Variants in GPR35 observed in about 807,000 individuals in gnomAD.
The protein encoded by GPR35 is G protein-coupled receptor 35.
For synonymous variants in GPR35, 207 were observed against 198.4 expected, an observed-to-expected ratio of 1.04 and a Z score of -0.36; for missense variants, 372 against 422.5, an observed-to-expected ratio of 0.88 and a Z score of 1.05.
intron 1 of GPR35, chr2:240,628,800 C>T (rs2043406071): frequency 6.6e-6 from 1 of 152,268 alleles, no homozygotes; most frequent in South Asian, 2.1e-4. Flanking sequence ...AGAGGACAGC[C>T]TGATGGTTGG....
exon 5 of GPR35, chr2:240,618,911 C>A: frequency 1.4e-6 from 1 of 699,760 alleles, no homozygotes; most frequent in Non-Finnish European, 2.6e-6. Flanking sequence ...GTGGTGTGAA[C>A]ACGCTTCATT....
At position 240,620,092 on chromosome 2, in the gene GPR35, C is replaced by T. The variant is rs560414972; in HGVS notation, c.-5+1061C>T. 8.5e-5 allele frequency among the ~76,000 whole-genome samples: 13 copies of T among 152,288 alleles called. No individual in the cohort carries two copies. The East Asian group carries it at 1.2e-3, about 14-fold the overall frequency. Reference sequence around the variant, plus strand: ...GTCCAGGGCCAAGAAAAGGGAAAGCCGCTGGAAATAGCAGAAACCTGGCTG... The same window carrying T: ...GTCCAGGGCCAAGAAAAGGGAAAGCTGCTGGAAATAGCAGAAACCTGGCTG... On this transcript the variant is annotated intron_variant, in intron 5 of 5. Coordinates refer to the GPR35 transcript ENST00000319838.
upstream of GPR35, among the ~76,000 whole-genome samples, chr2:240,624,987 T>C (rs1471139779): frequency 3.9e-5 from 6 of 152,146 alleles, no homozygotes; most frequent in Admixed American, 2.0e-4. Flanking sequence ...TGTGTGCATG[T>C]GTGCCAGCGT....
intron 1 of GPR35, among the ~76,000 whole-genome samples, chr2:240,626,862 A>T (rs574343282): frequency 1.3e-4 from 20 of 152,246 alleles, no homozygotes; most frequent in African/African-American, 4.8e-4. Context: ...GGGTCCAGAC[A>T]GGGGGAAGGG....
At chr2:240,624,656 C>A (rs1160521702), upstream of GPR35, among the ~76,000 whole-genome samples, 1 of 152,164 alleles carries the variant, frequency 6.6e-6, no homozygotes, top group Non-Finnish European at 1.5e-5. Context: ...GAGGGAGAGG[C>A]TGTGGTCAGG....
upstream of GPR35, among the ~76,000 whole-genome samples, chr2:240,623,148 C>T (rs539556175): frequency 9.2e-4 from 140 of 152,284 alleles, 1 homozygote; most frequent in East Asian, 6.8e-3. Flanking sequence ...GGTGAGCGGT[C>T]GTCGAGCTTC....
At chr2:240,615,771 A>G (rs2043231153) in intron 2 of GPR35, among the ~76,000 whole-genome samples, 1 of 152,262 alleles carries the variant, frequency 6.6e-6, no homozygotes, top group African/African-American at 2.4e-5. Flanking sequence ...AACAGGAGTT[A>G]ACTTTTACAT....
chr2:240,614,932 G>A (rs976111652), intron 2 of GPR35, among the ~76,000 whole-genome samples: 1 of 152,024 alleles, frequency 6.6e-6, no homozygotes, highest in Non-Finnish European at 1.5e-5. Context: ...GCATTTGTGT[G>A]TGCTTGTGTG....
At chr2:240,624,014 G>GT (rs1246432799), upstream of GPR35, among the ~76,000 whole-genome samples, 3 of 151,962 alleles carry the variant, frequency 2.0e-5, no homozygotes, top group Non-Finnish European at 2.9e-5. Context: ...GGTGGTGGGG[G>GT]GGGTGGGGGA....
rs2043358629 is a variant in GPR35 at position 240,625,558 on chromosome 2, G to T, written c.-15G>T. On this transcript the variant is annotated 5_prime_UTR_variant, in exon 1 of 2. Transcript: ENST00000407714. ...CACACACTCCACCCGGGAGGCCAAA[G>T]CTGCCTGCAGGTCAGTGCCGCCCAC... The T allele has an allele frequency of 1.0e-6, 1 of 986,004 alleles. No homozygotes were observed. Among genetic ancestry groups the T allele is most frequent in the African/African-American group, 1.7e-5 (1 of 57,250 alleles). The allele number at this position is 986,004 out of a possible 1,614,324, so 61.1% of individuals were successfully genotyped here.
At position 240,631,938 on chromosome 2, in the gene GPR35, C is replaced by T. The variant is rs1352221392; in HGVS notation, c.*1056C>T. Among the ~76,000 whole-genome samples the T allele has an allele frequency of 6.6e-6, 1 of 151,972 alleles. No individual in the cohort carries two copies. Among genetic ancestry groups the T allele is most frequent in the Non-Finnish European group, 1.5e-5 (1 of 67,978 alleles). ...CAGTCATGTTCTGGCAGGGACATGG[C>T]ACAAGCATGCGGCTGATGGCATCTC... On this transcript the variant is annotated 3_prime_UTR_variant, in exon 2 of 2. Coordinates refer to ENST00000407714, the MANE Select transcript of GPR35 (RefSeq NM_005301.5).
At chr2:240,614,237 C>T (rs895972853) in intron 2 of GPR35, among the ~76,000 whole-genome samples, 2 of 152,142 alleles carry the variant, frequency 1.3e-5, no homozygotes, top group Non-Finnish European at 2.9e-5. Context: ...GAACCCTAAC[C>T]CTAAGCCTTG....
chr2:240,628,687 GGGCAGAGGGAGGA>G lies in GPR35; in HGVS notation c.-4-1246_-4-1234del, dbSNP rs1161132331. On this transcript the variant is annotated intron_variant, in intron 1 of 1. Transcript: ENST00000407714. Reference sequence around the variant, plus strand: ...TTTGGGGGACCTTTTGTGCTCCTCTGGGCAGAGGGAGGAGGCAGAGGGAGGAGGAAGGCCCTTC... The same window carrying G: ...TTTGGGGGACCTTTTGTGCTCCTCTGGGCAGAGGGAGGAGGAAGGCCCTTC... The G allele has an allele frequency of 3.9e-5, 6 of 152,368 alleles. No individual in the cohort carries two copies. In the East Asian group the frequency reaches 9.7e-4, roughly 25 times the overall value. The allele number at this position is 152,368 out of a possible 1,614,324, so 9.4% of individuals were successfully genotyped here.
upstream of GPR35, chr2:240,625,412 C>T: frequency 1.0e-6 from 1 of 985,412 alleles, no homozygotes; most frequent in Non-Finnish European, 1.2e-6. Context: ...CAGTCAGCCG[C>T]CCGCCCCCCC....
chr2:240,616,022 C>T (rs1575462467), intron 2 of GPR35, among the ~76,000 whole-genome samples: 1 of 152,328 alleles, frequency 6.6e-6, no homozygotes, highest in South Asian at 2.1e-4. Context: ...GAGAAGCAGC[C>T]CTCCTGCCCC....
chr2:240,630,249 C>A lies in GPR35; in HGVS notation c.297C>A (p.Asn99Lys). The A allele has an allele frequency of 6.4e-7, 1 of 1,563,786 alleles. No homozygotes were observed. The highest frequency in any genetic ancestry group is 8.6e-7 in the Non-Finnish European group (1 of 1,157,896). The change falls in exon 2 of 2, where the codon AAC becomes AAA. Residue 99 changes from asparagine to lysine, a missense_variant. Transcript: ENST00000407714. ...TCTCCCAGGGCATCTACCTGACCAA[C>A]AGGTACATGAGCATCAGCCTGGTCA... The part of the protein sequence containing the change: ...CQLSQGIYLT[N>K]RYMSISLVTA...
intron 1 of GPR35, chr2:240,628,336 G>A (rs1195641473): frequency 6.6e-6 from 1 of 152,254 alleles, no homozygotes; most frequent in African/African-American, 2.4e-5. Flanking sequence ...AGGGTGAAGT[G>A]TTGCTCATGA....
intron 3 of GPR35, chr2:240,616,878 G>A: frequency 1.4e-6 from 1 of 734,450 alleles, no homozygotes; most frequent in Admixed American, 1.9e-5. Context: ...GTGCTGCCCT[G>A]TGAAGAGGCA....
rs2043446613 is a variant in GPR35, at chr2:240,631,302, G to A, written c.*420G>A. The A allele has an allele frequency of 1.3e-5, 3 of 222,234 alleles. No homozygotes were observed. In the South Asian group the frequency reaches 3.1e-4, roughly 23 times the overall value. 13.8% of individuals were successfully genotyped at this position (222,234 alleles called of 1,614,324 possible). A position where few individuals can be genotyped will look rare whatever the true frequency, so the allele number is the denominator to read the frequency against. ...TCGCACTCGTGTGGTGGGAGGCAGG[G>A]AGGGAGCGCGTGGCTCAGAGGGCTG... On this transcript the variant is annotated 3_prime_UTR_variant, in exon 2 of 2. Coordinates refer to ENST00000407714, the MANE Select transcript of GPR35 (RefSeq NM_005301.5).
Sources: allele counts gnomAD v4.1 joint callset (sites outside exome capture counted in the v4.1 genomes callset), GRCh38; gene constraint gnomAD v4.1.1; transcripts MANE v1.5; gene names NCBI Gene and HGNC (gene_info 2026-07-23, HGNC 2026-07-21).